The following RUFY3 variants were observed in gnomAD, a reference collection of about 807,000 sequenced individuals.
RUFY3 encodes the protein RUN and FYVE domain containing 3.
Under a neutral mutation model 84.0 loss-of-function variants are expected in RUFY3, and 34 were observed. The observed-to-expected ratio is 0.40, with a 90% CI of 0.31 to 0.54. The LOEUF is 0.54. RUFY3 is among the 20% of genes least tolerant of loss of function. The pLI, the probability that RUFY3 is intolerant of heterozygous loss-of-function variation, is 0.39. For synonymous variants in RUFY3, 242 were observed against 252.9 expected (o/e 0.96, Z 0.41); for missense variants, 507 against 736.8 (o/e 0.69, Z 3.61).
Position 70,726,225 on chromosome 4 carries a change from A to ATGTTC in RUFY3, c.178+3474_178+3475insTGTTC, listed in dbSNP as rs1321501246. Among the ~76,000 whole-genome samples the ATGTTC allele has an allele frequency of 1.7e-3, 255 of 152,278 alleles. 7 individuals are homozygous for ATGTTC. The highest frequency in any genetic ancestry group is 0.011 in the Admixed American group (175 of 15,298). On this transcript the variant is annotated intron_variant, in intron 1 of 17. Coordinates refer to ENST00000381006, the MANE Select transcript of RUFY3 (RefSeq NM_001037442.4). Reference sequence around the variant, plus strand: ...GGCTGGGTGGCTGGAGAATGAACATAAGGCAGTGCCTGGGATGACTCTCCA... The same window carrying ATGTTC: ...GGCTGGGTGGCTGGAGAATGAACATATGTTCAGGCAGTGCCTGGGATGACTCTCCA...
chr4:70,794,399 G>A (rs1036058834), intron 13 of RUFY3, among the ~76,000 whole-genome samples: 25 of 152,090 alleles, frequency 1.6e-4, no homozygotes, highest in African/African-American at 6.0e-4. Flanking sequence ...TGGCCAAGAT[G>A]GTGAAACCCC....
intron 10 of RUFY3, 73 bp downstream of exon 10, chr4:70,784,952 A>G (rs550855895): frequency 1.9e-6 from 2 of 1,028,006 alleles, no homozygotes; most frequent in East Asian, 2.7e-5. Flanking sequence ...GTTTTATCAT[A>G]CAGACCAAGA....
At chr4:70,767,493 C>A (rs1193995226) in intron 4 of RUFY3, among the ~76,000 whole-genome samples, 5 of 151,838 alleles carry the variant, frequency 3.3e-5, no homozygotes, top group African/African-American at 1.2e-4. Flanking sequence ...CAAATTTTGG[C>A]AATTAAGAGT....
rs374799998 is a variant in RUFY3, at chr4:70,722,353, A to G, written c.-221A>G. 3.1e-6 allele frequency: 4 copies of G among 1,297,732 alleles called. No homozygotes were observed. Among genetic ancestry groups the G allele is most frequent in the South Asian group, 3.0e-5 (1 of 33,876 alleles). The allele number at this position is 1,297,732 out of a possible 1,614,324, so 80.4% of individuals were successfully genotyped here. ...TTTTGCTATGTGGTAGGAACTGTCTATAAGATAGTGTAGAATTGTTTATCT... is the reference window on the plus strand; with the variant it reads ...TTTTGCTATGTGGTAGGAACTGTCTGTAAGATAGTGTAGAATTGTTTATCT... On this transcript the variant is annotated 5_prime_UTR_variant, in exon 1 of 18. Transcript: ENST00000381006.
chr4:70,793,673 C>G lies in RUFY3; in HGVS notation c.1338-112C>G. Reference sequence around the variant, plus strand: ...GTCCTGCAAAGTTTTTTTCCTCTCTCTGTCTCTCTGTGCATTCTTCCTTGG... The same window carrying G: ...GTCCTGCAAAGTTTTTTTCCTCTCTGTGTCTCTCTGTGCATTCTTCCTTGG... On this transcript the variant is annotated intron_variant, in intron 12 of 17. Coordinates refer to ENST00000381006, the MANE Select transcript of RUFY3 (RefSeq NM_001037442.4). The G allele has an allele frequency of 2.5e-6, 4 of 1,584,708 alleles. No homozygotes were observed. The South Asian group carries it at 4.6e-5, about 18-fold the overall frequency.
intron 16 of RUFY3, 160 bp downstream of exon 16, chr4:70,803,143 A>G: frequency 1.9e-6 from 1 of 528,722 alleles, no homozygotes; most frequent in East Asian, 3.0e-5. Context: ...TGAAGCTCAC[A>G]CAGGAAGTAG....
chr4:70,778,557 T>G (rs1193822351), intron 8 of RUFY3, 119 bp downstream of exon 8: 1 of 484,928 alleles, frequency 2.1e-6, no homozygotes, highest in Non-Finnish European at 3.8e-6. Flanking sequence ...TTGACTGTAG[T>G]ACATAACTTC....
At chr4:70,789,009 C>G (rs1166585622) in intron 11 of RUFY3, 36 bp downstream of exon 11, 1 of 1,599,258 alleles carries the variant, frequency 6.3e-7, no homozygotes, top group African/African-American at 1.3e-5. Flanking sequence ...CACTGGCTCT[C>G]TAAAATCCTG....
At chr4:70,773,338 C>T (rs964280686) in intron 5 of RUFY3, among the ~76,000 whole-genome samples, 173 bp from the exon 6 acceptor site, 12 of 152,046 alleles carry the variant, frequency 7.9e-5, no homozygotes, top group Non-Finnish European at 2.9e-5. Flanking sequence ...TCTTTACTTC[C>T]AACTCTTGTT....
chr4:70,710,603 G>A (rs1402365127), intron 1 of RUFY3, among the ~76,000 whole-genome samples: 1 of 152,160 alleles, frequency 6.6e-6, no homozygotes, highest in East Asian at 1.9e-4. Context: ...CCGGGAGGTA[G>A]AGGTTGTGGT....
intron 1 of RUFY3, chr4:70,734,299 A>G (rs1719922395): frequency 1.7e-6 from 1 of 575,884 alleles, no homozygotes; most frequent in African/African-American, 2.0e-5. Context: ...TCTTTTTCAC[A>G]GAATTGTGTT....
At chr4:70,750,508 G>GT (rs1472291171) in intron 1 of RUFY3, among the ~76,000 whole-genome samples, 1 of 152,012 alleles carries the variant, frequency 6.6e-6, no homozygotes, top group Non-Finnish European at 1.5e-5. Context: ...AACTTTAGTG[G>GT]TTTTTTTCTA....
chr4:70,775,047 C>A, intron 6 of RUFY3, 121 bp from the exon 7 acceptor site: 1 of 584,386 alleles, frequency 1.7e-6, no homozygotes, highest in South Asian at 2.6e-5. Flanking sequence ...TCTTATGGTT[C>A]AGTGTATCTG....
chr4:70,711,408 T>G (rs1740985435), intron 1 of RUFY3, among the ~76,000 whole-genome samples: 1 of 152,212 alleles, frequency 6.6e-6, no homozygotes, highest in Admixed American at 6.5e-5. Context: ...CCCAAAAGAT[T>G]GGGCATGGTT....
chr4:70,735,158 C>T (rs991984294), intron 1 of RUFY3, among the ~76,000 whole-genome samples: 5 of 152,172 alleles, frequency 3.3e-5, no homozygotes, highest in African/African-American at 1.2e-4. Context: ...CAAGTGCTGT[C>T]GTCTGAGAAC....
intron 1 of RUFY3, among the ~76,000 whole-genome samples, chr4:70,733,945 C>T (rs772254749): frequency 9.9e-5 from 15 of 152,076 alleles, no homozygotes; most frequent in Non-Finnish European, 1.5e-4. Flanking sequence ...TGAAAATTAA[C>T]GGGTGTGCAA....
Position 70,708,404 on chromosome 4 carries a change from C to A in RUFY3, c.358+3110C>A, listed in dbSNP as rs570086102. The stretch of plus-strand genomic sequence containing the variant: ...GCTCTCGAACTAGACTCAAGTGATC[C>A]ACCCTCCTCGGCCTCACAAGTGATG... On this transcript the variant is annotated intron_variant, in intron 1 of 11. Transcript: ENST00000417478. Among the ~76,000 whole-genome samples, 6 of 152,094 alleles carry A rather than the reference C, an allele frequency of 3.9e-5. No homozygotes were observed. The South Asian group carries it at 1.2e-3, about 32-fold the overall frequency.
intron 8 of RUFY3, among the ~76,000 whole-genome samples, chr4:70,782,122 A>G (rs1020381987): frequency 5.3e-5 from 8 of 152,086 alleles, no homozygotes; most frequent in African/African-American, 1.9e-4. Flanking sequence ...CGTTTGTCAC[A>G]TGGGTTCCAT....
chr4:70,751,107 C>G (rs968023259), intron 1 of RUFY3, among the ~76,000 whole-genome samples: 25 of 152,144 alleles, frequency 1.6e-4, no homozygotes, highest in African/African-American at 6.0e-4. Flanking sequence ...GGGCTACATG[C>G]GCAGGTTTGT....
Sources: gnomAD v4.1 joint callset for allele counts (sites outside exome capture counted in the v4.1 genomes callset) on GRCh38, gnomAD v4.1.1 for gene constraint, MANE v1.5 for transcripts, NCBI Gene and HGNC (gene_info 2026-07-23, HGNC 2026-07-21) for gene names.